Variants in INSL3 observed in about 807,000 individuals in gnomAD.
INSL3 encodes insulin-like 3.
In INSL3, 6 loss-of-function variants were observed where a neutral mutation model predicts 5.5. The ratio of observed to expected loss-of-function variants is 1.08; its 90% CI spans 0.59 to 2.14. The LOEUF is 2.14. INSL3 is among the 30% of genes most tolerant of loss of function. INSL3 has a pLI of 0.00. For missense variants in INSL3, 178 were observed against 184.7 expected, an observed-to-expected ratio of 0.96 and a Z score of 0.21; for synonymous variants, 86 against 82.1, an observed-to-expected ratio of 1.05 and a Z score of -0.26.
At chr19:17,819,563 C>G (rs1306502334) in intron 1 of INSL3, among the ~76,000 whole-genome samples, 1 of 152,124 alleles carries the variant, frequency 6.6e-6, no homozygotes, top group Non-Finnish European at 1.5e-5. Context: ...CAGCCTGGCC[C>G]GGGCACAGTG....
intron 1 of INSL3, 67 bp from the exon 2 acceptor site, chr19:17,817,126 G>T: frequency 2.1e-6 from 3 of 1,442,810 alleles, no homozygotes; most frequent in Non-Finnish European, 2.9e-6. Context: ...TGCTGCATGT[G>T]CACGAATCCA....
In INSL3 at chr19:17,821,332, CAGG is replaced by C; in HGVS notation, c.172_174del (p.Pro58del). On this transcript the variant is annotated inframe_deletion, in exon 1 of 2. Coordinates refer to ENST00000317306, the MANE Select transcript of INSL3 (RefSeq NM_005543.4). ...CCCCACTCACGGTCGCCTCCGGTCG[CAGG>C]CCTCCTGGCTTCGGTGGACCAGCGG... 1 of 1,548,188 alleles carries C rather than the reference CAGG, an allele frequency of 6.5e-7. No homozygotes were observed. The highest frequency in any genetic ancestry group is 2.0e-5 in the Admixed American group (1 of 51,026).
At chr19:17,817,324 A>C (rs2094189311) in intron 1 of INSL3, among the ~76,000 whole-genome samples, 1 of 149,516 alleles carries the variant, frequency 6.7e-6, no homozygotes, top group Admixed American at 6.7e-5. Context: ...AAAAAAAAAA[A>C]CAACCAAAAA....
At chr19:17,820,390 ACT>A in intron 1 of INSL3, 1 of 413,098 alleles carries the variant, frequency 2.4e-6, no homozygotes, top group Non-Finnish European at 4.8e-6. Flanking sequence ...GGACACAGTG[ACT>A]CACATCGCTA....
At chr19:17,820,807 A>G (rs1053796340) in intron 1 of INSL3, among the ~76,000 whole-genome samples, 1 of 136,966 alleles carries the variant, frequency 7.3e-6, no homozygotes, top group Non-Finnish European at 1.5e-5. Flanking sequence ...TCATGCTCTG[A>G]GGACTTTCTT....
intron 1 of INSL3, chr19:17,820,472 A>G: frequency 3.0e-6 from 1 of 331,260 alleles, no homozygotes. Flanking sequence ...AGCCTGGGAA[A>G]CAGAGTGAGA....
intron 1 of INSL3, among the ~76,000 whole-genome samples, chr19:17,817,559 C>T (rs1205576381): frequency 1.1e-4 from 16 of 150,300 alleles, no homozygotes; most frequent in East Asian, 5.9e-4. Flanking sequence ...TTTGGGAGGC[C>T]GAGGTGGGTG....
rs2094195661 is a variant in INSL3, at chr19:17,821,422, T to A, written c.85A>T (p.Met29Leu). The change falls in exon 1 of 2, where the codon ATG becomes TTG. Residue 29 changes from methionine to leucine, a missense_variant. Met to Leu is a conservative substitution (Grantham distance 15, BLOSUM62 2). Transcript: ENST00000317306. ...FALGPAPTPE[M>L]REKLCGHHFV... ...TGGTGGCCGCACAACTTCTCACGCA[T>A]CTCTGGGGTGGGCGCGGGGCCCAAC... is the stretch of plus-strand genomic sequence containing the variant. 1.3e-6 allele frequency: 2 copies of A among 1,546,876 alleles called. No homozygotes were observed. The highest frequency in any genetic ancestry group is 1.7e-6 in the Non-Finnish European group (2 of 1,144,744).
chr19:17,821,471 C>T lies in INSL3; in HGVS notation c.36G>A (p.Leu12=). Reference sequence around the variant, plus strand: ...ACGCGAACACCAGGGCAGGGCCCAGCAGCACCAGCGCCCAGGCGGGCAGAC... The same window carrying T: ...ACGCGAACACCAGGGCAGGGCCCAGTAGCACCAGCGCCCAGGCGGGCAGAC... ...DPRLPAWALV[L]LGPALVFALG... The change falls in exon 1 of 2, where the codon CTG becomes CTA. Residue 12 remains leucine, a synonymous_variant. Transcript: ENST00000317306. The T allele has an allele frequency of 6.6e-7, 1 of 1,520,678 alleles. No homozygotes were observed. The highest frequency in any genetic ancestry group is 8.9e-7 in the Non-Finnish European group (1 of 1,129,446). 94.2% of individuals were successfully genotyped at this position (1,520,678 alleles called of 1,614,324 possible). A position where few individuals can be genotyped will look rare whatever the true frequency, so the allele number is the denominator to read the frequency against.
chr19:17,817,820 C>T (rs56185284), intron 1 of INSL3, among the ~76,000 whole-genome samples: 32,776 of 100,948 alleles, frequency 0.32, 5,187 homozygotes, highest in African/African-American at 0.36. Flanking sequence ...AAAAAAAAAG[C>T]GAGCACTTAT....
chr19:17,818,503 C>T (rs1179822202), intron 1 of INSL3, among the ~76,000 whole-genome samples: 1 of 152,030 alleles, frequency 6.6e-6, no homozygotes, highest in Non-Finnish European at 1.5e-5. Flanking sequence ...GTAGTCCCAG[C>T]TACTTGGGAG....
rs2094188332 is a variant in INSL3 at position 17,816,774 on chromosome 19, T to C, written c.*80A>G. The C allele has an allele frequency of 7.3e-6, 10 of 1,372,408 alleles. No homozygotes were observed. The highest frequency in any genetic ancestry group is 1.7e-5 in the Admixed American group (1 of 58,310). 85.0% of individuals were successfully genotyped at this position (1,372,408 alleles called of 1,614,324 possible). ...AAAGGCCTGTAGATGCGAGACTTTA[T>C]GGTGCTGTGTGGCCTCAGGAGCTCA... On this transcript the variant is annotated 3_prime_UTR_variant, in exon 2 of 2. Transcript: ENST00000317306.
chr19:17,820,906 C>T (rs538919534), intron 1 of INSL3, among the ~76,000 whole-genome samples: 5 of 151,744 alleles, frequency 3.3e-5, no homozygotes, highest in East Asian at 2.0e-4. Context: ...CTCTGCCTTC[C>T]GGGTTCAAGC....
Position 17,816,949 on chromosome 19 carries a change from G to A in INSL3, c.301C>T (p.His101Tyr), listed in dbSNP as rs2147660514. ...GTGGCAGCTGCACGGTGGTGGCGGT[G>A]ATGGTGAGAGGTCTGGGGCAGGGGC... ...LQPLPQTSHH[H>Y]RHHRAAATNP... Residue 101 changes from histidine to tyrosine, a missense_variant, in exon 2 of 2, where the codon CAC becomes TAC. By Grantham distance (83) the His-to-Tyr change is moderately conservative (BLOSUM62 2). Transcript: ENST00000317306. 1 of 1,614,104 alleles carries A rather than the reference G, an allele frequency of 6.2e-7. No homozygotes were observed. The highest frequency in any genetic ancestry group is 1.3e-5 in the African/African-American group (1 of 75,044).
chr19:17,818,565 G>A (rs2094191156), intron 1 of INSL3, among the ~76,000 whole-genome samples: 1 of 151,912 alleles, frequency 6.6e-6, no homozygotes, highest in African/African-American at 2.4e-5. Flanking sequence ...GCAGTGACCC[G>A]AGATCGTGCC....
chr19:17,821,191 C>A lies in INSL3; in HGVS notation c.190+126G>T. Reference sequence around the variant, plus strand: ...GCGGACCCACGATCTGTGCACGCAGCCGGCAGGTGAGCCCTGGGCACATGC... The same window carrying A: ...GCGGACCCACGATCTGTGCACGCAGACGGCAGGTGAGCCCTGGGCACATGC... On this transcript the variant is annotated intron_variant, in intron 1 of 1. Coordinates refer to ENST00000317306, the MANE Select transcript of INSL3 (RefSeq NM_005543.4). 2.7e-6 allele frequency: 3 copies of A among 1,123,176 alleles called. No individual in the cohort carries two copies. In the South Asian group the frequency reaches 4.0e-5, roughly 15 times the overall value. The allele number at this position is 1,123,176 out of a possible 1,614,324, so 69.6% of individuals were successfully genotyped here. A position where few individuals can be genotyped will look rare whatever the true frequency, so the allele number is the denominator to read the frequency against.
intron 1 of INSL3, among the ~76,000 whole-genome samples, chr19:17,819,418 A>G (rs2094192296): frequency 6.6e-6 from 1 of 152,050 alleles, no homozygotes; most frequent in African/African-American, 2.4e-5. Context: ...CAGCAAGGTA[A>G]GTATTTTAAT....
At position 17,821,450 on chromosome 19, in the gene INSL3, G is replaced by T; in HGVS notation, c.57C>A (p.Phe19Leu). The change falls in exon 1 of 2, where the codon TTC (phenylalanine) becomes TTA (leucine). Residue 19 changes from phenylalanine (F) to leucine (L), a missense_variant. Transcript: ENST00000317306. ...ALVLLGPALV[F>L]ALGPAPTPEM... ...CTGGGGTGGGCGCGGGGCCCAACGC[G>T]AACACCAGGGCAGGGCCCAGCAGCA... 1 of 1,541,322 alleles carries T rather than the reference G, an allele frequency of 6.5e-7. No homozygotes were observed. Among genetic ancestry groups the T allele is most frequent in the Non-Finnish European group, 8.8e-7 (1 of 1,140,818 alleles).
In INSL3 at chr19:17,816,992, C is replaced by T. The variant is rs147868541; in HGVS notation, c.258G>A (p.Thr86=). The stretch of plus-strand genomic sequence containing the variant: ...GCAGGGGCTGCAGGCCAGGTCCCAG[C>T]GTGAGATTACTGTCGGCCACCAGCC... ...LHGLVADSNL[T]LGPGLQPLPQ... Residue 86 remains threonine, a synonymous_variant, in exon 2 of 2, where the codon ACG becomes ACA. Transcript: ENST00000317306. 93 of 1,613,810 alleles carry T rather than the reference C, an allele frequency of 5.8e-5. No individual in the cohort carries two copies. Among genetic ancestry groups the T allele is most frequent in the African/African-American group, 1.9e-4 (14 of 74,914 alleles).
Sources: gnomAD v4.1 joint callset for allele counts (sites outside exome capture counted in the v4.1 genomes callset) on GRCh38, gnomAD v4.1.1 for gene constraint, MANE v1.5 for transcripts, NCBI Gene and HGNC (gene_info 2026-07-23, HGNC 2026-07-21) for gene names.